KIF26B: variants seen among roughly 807,000 people sequenced by gnomAD.
KIF26B encodes kinesin-like protein KIF26B.
KIF26B carries 63 observed loss-of-function variants against 151.2 expected under a neutral mutation model. That is an observed-to-expected ratio of 0.42 (90% CI 0.34 to 0.51). KIF26B has a LOEUF of 0.51. KIF26B is among the 20% of genes least tolerant of loss of function. The pLI is 0.07. For missense variants in KIF26B, 2,813 were observed against 2,913.6 expected (o/e 0.97, Z 0.79); for synonymous variants, 1,357 against 1,262.1 (o/e 1.08, Z -1.59).
intron 4 of KIF26B, among the ~76,000 whole-genome samples, chr1:245,421,143 A>G (rs1164234847): frequency 1.3e-5 from 2 of 152,242 alleles, no homozygotes; most frequent in Non-Finnish European, 2.9e-5. Context: ...AGGGAGTCCA[A>G]GCTCACTGGG....
chr1:245,418,945 G>A (rs12405004), intron 3 of KIF26B, among the ~76,000 whole-genome samples: 3,539 of 152,278 alleles, frequency 0.023, 45 homozygotes, highest in South Asian at 0.047. Flanking sequence ...TGAAACAGAA[G>A]CCATTTATCT....
At chr1:245,629,487 G>A (rs1008700324) in intron 9 of KIF26B, among the ~76,000 whole-genome samples, 1 of 152,050 alleles carries the variant, frequency 6.6e-6, no homozygotes, top group Non-Finnish European at 1.5e-5. Context: ...ACAAAAACAA[G>A]CAATGGAGAA....
chr1:245,403,323 G>A (rs564446721), intron 3 of KIF26B, among the ~76,000 whole-genome samples: 5 of 152,274 alleles, frequency 3.3e-5, no homozygotes, highest in African/African-American at 1.2e-4. Flanking sequence ...AGCTTCTGTA[G>A]CCTCCAACCC....
chr1:245,157,596 G>A (rs958550763), intron 2 of KIF26B, among the ~76,000 whole-genome samples: 2 of 152,208 alleles, frequency 1.3e-5, no homozygotes, highest in Non-Finnish European at 2.9e-5. Context: ...AGATACACAC[G>A]TTGATGTTTT....
chr1:245,422,348 T>A (rs1263906777), intron 4 of KIF26B, among the ~76,000 whole-genome samples: 1 of 152,086 alleles, frequency 6.6e-6, no homozygotes, highest in Non-Finnish European at 1.5e-5. Flanking sequence ...ATGAGAACTA[T>A]TATTAGCTGG....
intron 4 of KIF26B, among the ~76,000 whole-genome samples, chr1:245,497,829 C>T (rs1204031248): frequency 3.3e-5 from 5 of 152,136 alleles, no homozygotes; most frequent in East Asian, 1.9e-4. Flanking sequence ...CTGCAACCTC[C>T]GCCTCCTGGG....
intron 2 of KIF26B, among the ~76,000 whole-genome samples, chr1:245,212,850 A>G (rs967874639): frequency 6.6e-6 from 1 of 152,244 alleles, no homozygotes; most frequent in Admixed American, 6.5e-5. Flanking sequence ...ATTGAGTAAA[A>G]TTATTTTACA....
chr1:245,475,489 C>G (rs972374665), intron 4 of KIF26B, among the ~76,000 whole-genome samples: 1 of 151,694 alleles, frequency 6.6e-6, no homozygotes, highest in East Asian at 1.9e-4. Context: ...AAAATCATTG[C>G]AAGGTTATGA....
chr1:245,612,152 C>T (rs996929222), intron 9 of KIF26B, among the ~76,000 whole-genome samples, 176 bp downstream of exon 9: 1 of 151,578 alleles, frequency 6.6e-6, no homozygotes, highest in South Asian at 2.1e-4. Context: ...CTCTGTCACC[C>T]AGGCTGCAGT....
At chr1:245,400,280 T>C (rs1673963087) in intron 3 of KIF26B, among the ~76,000 whole-genome samples, 1 of 152,236 alleles carries the variant, frequency 6.6e-6, no homozygotes, top group Non-Finnish European at 1.5e-5. Context: ...TGACATAGGC[T>C]TTCTTTTTGG....
At chr1:245,521,807 A>G (rs1459706504) in intron 4 of KIF26B, among the ~76,000 whole-genome samples, 1 of 152,210 alleles carries the variant, frequency 6.6e-6, no homozygotes, top group African/African-American at 2.4e-5. Flanking sequence ...AGGAAGACAC[A>G]AATAATTACA....
intron 4 of KIF26B, among the ~76,000 whole-genome samples, chr1:245,443,375 C>T (rs188517812): frequency 6.8e-5 from 10 of 146,782 alleles, no homozygotes; most frequent in South Asian, 2.2e-4. Flanking sequence ...GTTCACCCTG[C>T]GGTCATCTCT....
chr1:245,478,320 G>T (rs892285555), intron 4 of KIF26B, among the ~76,000 whole-genome samples: 1 of 151,636 alleles, frequency 6.6e-6, no homozygotes, highest in Non-Finnish European at 1.5e-5. Flanking sequence ...TTCTGTGGGG[G>T]TGTGTTTTTC....
chr1:245,527,523 G>GTTTTTTTTT (rs1219756621), intron 4 of KIF26B, among the ~76,000 whole-genome samples: 1 of 40,522 alleles, frequency 2.5e-5, no homozygotes, highest in Admixed American at 2.1e-4. Context: ...CTTTGGGATG[G>GTTTTTTTTT]CTTTTTTTTT....
intron 2 of KIF26B, among the ~76,000 whole-genome samples, chr1:245,342,411 A>G (rs1672352493): frequency 6.6e-6 from 1 of 152,162 alleles, no homozygotes; most frequent in Non-Finnish European, 1.5e-5. Flanking sequence ...TGTAATTAAG[A>G]GTGTTAATGA....
intron 4 of KIF26B, among the ~76,000 whole-genome samples, chr1:245,530,973 G>C (rs554040840): frequency 6.6e-6 from 1 of 152,298 alleles, no homozygotes; most frequent in East Asian, 1.9e-4. Flanking sequence ...CATTCTTTCT[G>C]TGTATGTGGG....
intron 10 of KIF26B, among the ~76,000 whole-genome samples, chr1:245,663,970 C>T (rs1005222470): frequency 2.4e-4 from 36 of 152,180 alleles, no homozygotes; most frequent in African/African-American, 8.2e-4. Flanking sequence ...GAAAGCTTGC[C>T]TGTTCTGCTT....
chr1:245,303,432 T>G (rs1262475571), intron 2 of KIF26B, among the ~76,000 whole-genome samples: 2 of 150,702 alleles, frequency 1.3e-5, no homozygotes, highest in East Asian at 1.9e-4. Context: ...TCTCCTGACC[T>G]CGTGATCCGC....
chr1:245,250,089 C>T (rs1283095614), intron 2 of KIF26B, among the ~76,000 whole-genome samples: 1 of 152,134 alleles, frequency 6.6e-6, no homozygotes, highest in African/African-American at 2.4e-5. Flanking sequence ...AGCATGTTGA[C>T]ATACTTTCTT....
Sources: allele counts gnomAD v4.1 joint callset (sites outside exome capture counted in the v4.1 genomes callset), GRCh38; gene constraint gnomAD v4.1.1; transcripts MANE v1.5; gene names NCBI Gene and HGNC (gene_info 2026-07-23, HGNC 2026-07-21).